Variants in FRMPD4 observed in about 807,000 individuals in gnomAD.
The protein encoded by FRMPD4 is FERM and PDZ domain-containing protein 4.
In FRMPD4, 22 loss-of-function variants were observed where a neutral mutation model predicts 94.1. That is an observed-to-expected ratio of 0.23 (90% CI 0.17 to 0.33). FRMPD4 has a LOEUF of 0.33. Among genes scored for constraint, FRMPD4 ranks in the 10% least tolerant of loss-of-function variants. The probability of loss-of-function intolerance (pLI) is 1.00; values close to 1 mark genes in which losing one functional copy is unlikely to be tolerated. For synonymous variants in FRMPD4, 631 were observed against 548.6 expected (o/e 1.15, Z -2.10); for missense variants, 1,111 against 1,339.9 (o/e 0.83, Z 2.67).
At chrX:11,963,967 A>T (rs1037615431) in intron 3 of FRMPD4, among the ~76,000 whole-genome samples, 1 of 111,400 alleles carries the variant, frequency 9.0e-6, no homozygotes, top group Non-Finnish European at 1.9e-5. Flanking sequence ...CTCTTCATTG[A>T]TTTGCTCCTG....
chrX:12,611,869 C>T (rs1296492558), intron 3 of FRMPD4, among the ~76,000 whole-genome samples: 4 of 87,969 alleles, frequency 4.5e-5, no homozygotes, highest in Admixed American at 1.2e-4. Flanking sequence ...CTTATGATAA[C>T]ATGCTTTGTA....
intron 1 of FRMPD4, among the ~76,000 whole-genome samples, chrX:11,833,905 T>G (rs776923106): frequency 8.9e-6 from 1 of 111,745 alleles, no homozygotes; most frequent in South Asian, 3.8e-4. Flanking sequence ...CTTGGAGTAC[T>G]CTGTGATCCA....
chrX:11,925,184 G>T (rs774001610), intron 3 of FRMPD4, among the ~76,000 whole-genome samples: 6 of 110,014 alleles, frequency 5.5e-5, no homozygotes, highest in Non-Finnish European at 9.5e-5. Context: ...AATGGTAAAG[G>T]GTTCAATTCA....
chrX:12,610,838 G>C (rs1254637646), intron 3 of FRMPD4, among the ~76,000 whole-genome samples: 10 of 111,020 alleles, frequency 9.0e-5, no homozygotes, highest in African/African-American at 3.0e-4. Context: ...GCCTGCAGTG[G>C]GGAGCCAAGT....
intron 1 of FRMPD4, among the ~76,000 whole-genome samples, chrX:12,205,702 A>C: frequency 8.9e-6 from 1 of 112,039 alleles, no homozygotes; most frequent in East Asian, 2.8e-4. Flanking sequence ...TTTCCTTTAT[A>C]ACTTCCTACA....
intron 3 of FRMPD4, among the ~76,000 whole-genome samples, chrX:12,068,575 G>A (rs1352558010): frequency 9.0e-6 from 1 of 111,683 alleles, no homozygotes; most frequent in Non-Finnish European, 1.9e-5. Flanking sequence ...TCCCACTGCT[G>A]AAGTCTATGT....
intron 1 of FRMPD4, among the ~76,000 whole-genome samples, chrX:11,863,622 T>G (rs1468317362): frequency 9.0e-6 from 1 of 111,728 alleles, no homozygotes; most frequent in Non-Finnish European, 1.9e-5. Context: ...ACAACCAAAG[T>G]CATAAATATT....
chrX:12,350,941 C>T (rs1487961986), intron 1 of FRMPD4, among the ~76,000 whole-genome samples: 4 of 111,942 alleles, frequency 3.6e-5, no homozygotes, highest in East Asian at 2.8e-4. Flanking sequence ...TTTGGGAGGC[C>T]AAGGCGGGCA....
chrX:12,535,083 G>A (rs979844324), intron 2 of FRMPD4, among the ~76,000 whole-genome samples: 6 of 111,543 alleles, frequency 5.4e-5, no homozygotes, highest in African/African-American at 2.0e-4. Context: ...TTGTGATAGT[G>A]AATAAGTCTC....
chrX:11,898,150 G>A (rs1051410072), intron 3 of FRMPD4, among the ~76,000 whole-genome samples: 1 of 111,228 alleles, frequency 9.0e-6, no homozygotes, highest in Non-Finnish European at 1.9e-5. Flanking sequence ...ATGGGGGGCA[G>A]GCAGGAAGAG....
intron 1 of FRMPD4, among the ~76,000 whole-genome samples, chrX:12,200,889 C>T (rs1254108119): frequency 8.9e-6 from 1 of 112,316 alleles, no homozygotes; most frequent in Non-Finnish European, 1.9e-5. Context: ...AATGAATTTA[C>T]AAATGATTGC....
intron 2 of FRMPD4, among the ~76,000 whole-genome samples, chrX:11,867,790 C>A (rs2053730250): frequency 1.8e-5 from 2 of 110,980 alleles, no homozygotes; most frequent in African/African-American, 6.6e-5. Context: ...TCATCTCACA[C>A]CAGTCTTGTG....
chrX:12,618,540 G>A (rs2059257475), intron 4 of FRMPD4, among the ~76,000 whole-genome samples: 1 of 111,314 alleles, frequency 9.0e-6, no homozygotes, highest in Admixed American at 9.6e-5. Context: ...AACGCGAAGT[G>A]GAAGGGCAGG....
At chrX:12,260,458 A>G (rs4342796) in intron 1 of FRMPD4, among the ~76,000 whole-genome samples, 2 of 112,138 alleles carry the variant, frequency 1.8e-5, no homozygotes, top group Non-Finnish European at 3.8e-5. Flanking sequence ...TCTAGGTATA[A>G]CTTTGAACCA....
chrX:12,716,013 CCCA>C, intron 14 of FRMPD4, 53 bp from the exon 15 acceptor site: 1 of 365,421 alleles, frequency 2.7e-6, no homozygotes, highest in Non-Finnish European at 4.8e-6. Flanking sequence ...CCACCCCCGC[CCCA>C]CCCAAAACCA....
At chrX:11,927,775 A>T (rs889069137) in intron 3 of FRMPD4, among the ~76,000 whole-genome samples, 2 of 112,274 alleles carry the variant, frequency 1.8e-5, no homozygotes, top group Admixed American at 1.9e-4. Context: ...CTAACTGTAA[A>T]TCCCAAAAGT....
intron 1 of FRMPD4, among the ~76,000 whole-genome samples, chrX:11,859,735 G>T (rs924873278): frequency 2.7e-5 from 3 of 111,621 alleles, no homozygotes; most frequent in Non-Finnish European, 3.8e-5. Context: ...TTTTTTGTTT[G>T]TTTGTTTGTT....
intron 3 of FRMPD4, among the ~76,000 whole-genome samples, chrX:11,982,746 A>G (rs1366148928): frequency 8.9e-6 from 1 of 112,064 alleles, no homozygotes; most frequent in African/African-American, 3.2e-5. Context: ...TTTTAATTTA[A>G]AGATTGTTTT....
intron 1 of FRMPD4, among the ~76,000 whole-genome samples, chrX:11,861,600 A>T (rs1341470085): frequency 8.9e-6 from 1 of 111,864 alleles, no homozygotes; most frequent in Non-Finnish European, 1.9e-5. Context: ...AATACTAATT[A>T]GAAATAGGTA....
Sources: allele counts gnomAD v4.1 joint callset (sites outside exome capture counted in the v4.1 genomes callset), GRCh38; gene constraint gnomAD v4.1.1; transcripts MANE v1.5; gene names NCBI Gene and HGNC (gene_info 2026-07-23, HGNC 2026-07-21).